Variants in ZC3H12B observed in about 807,000 individuals in gnomAD.
ZC3H12B encodes the protein zinc finger CCCH-type containing 12B.
Under a neutral mutation model 43.9 loss-of-function variants are expected in ZC3H12B, and 7 were observed. The observed-to-expected ratio is 0.16, with a 90% CI of 0.09 to 0.30. ZC3H12B has a LOEUF of 0.30. ZC3H12B is among the 10% of genes least tolerant of loss of function. The probability of loss-of-function intolerance (pLI) is 1.00; values close to 1 mark genes in which losing one functional copy is unlikely to be tolerated. For synonymous variants in ZC3H12B, 222 were observed against 241.7 expected (o/e 0.92, Z 0.76); for missense variants, 475 against 670.2 (o/e 0.71, Z 3.22).
chrX:65,381,874 G>A (rs1388761798), intron 2 of ZC3H12B, among the ~76,000 whole-genome samples: 4 of 111,430 alleles, frequency 3.6e-5, no homozygotes, highest in Non-Finnish European at 7.5e-5. Flanking sequence ...TAAATTCCTC[G>A]ACACATACAC....
chrX:65,328,253 G>A, the ZC3H12B span: 286 of 252,301 alleles, frequency 1.1e-3, 2 homozygotes, highest in African/African-American at 7.6e-3. Flanking sequence ...TCTCAAATTT[G>A]TAGGGTAGGT....
At chrX:65,101,986 T>G in the ZC3H12B span, among the ~76,000 whole-genome samples, 1 of 112,090 alleles carries the variant, frequency 8.9e-6, no homozygotes, top group Non-Finnish European at 1.9e-5. Flanking sequence ...ATATCTTCAA[T>G]AAAATACTGG....
At chrX:65,365,043 C>G (rs982648357), upstream of ZC3H12B, among the ~76,000 whole-genome samples, 2 of 111,591 alleles carry the variant, frequency 1.8e-5, no homozygotes, top group Non-Finnish European at 3.8e-5. Flanking sequence ...CTTCCTACCT[C>G]TATACAGTCC....
At chrX:65,292,705 C>T in the ZC3H12B span, among the ~76,000 whole-genome samples, 1 of 110,543 alleles carries the variant, frequency 9.0e-6, no homozygotes, top group South Asian at 3.8e-4. Flanking sequence ...TGGAAAGAGG[C>T]CAGGCATGGT....
At chrX:65,149,782 TAATAATAATA>T in the ZC3H12B span, among the ~76,000 whole-genome samples, 2 of 97,073 alleles carry the variant, frequency 2.1e-5, no homozygotes, top group East Asian at 6.0e-4. Context: ...ATAATAATAA[TAATAATAATA>T]ATAATAATAA....
intron 3 of ZC3H12B, among the ~76,000 whole-genome samples, chrX:65,453,423 C>T (rs1236962191): frequency 1.3e-5 from 1 of 77,054 alleles, no homozygotes; most frequent in Non-Finnish European, 2.4e-5. Context: ...TAGTAATCAG[C>T]CATGCAAAGG....
At chrX:65,377,306 G>A (rs186338630) in intron 2 of ZC3H12B, among the ~76,000 whole-genome samples, 112 of 110,011 alleles carry the variant, frequency 1.0e-3, no homozygotes, top group African/African-American at 3.7e-3. Flanking sequence ...AGAGTTATTG[G>A]CCTTAAAGAG....
the ZC3H12B span, among the ~76,000 whole-genome samples, chrX:65,159,943 AC>A: frequency 8.9e-6 from 1 of 111,759 alleles, no homozygotes; most frequent in Non-Finnish European, 1.9e-5. Flanking sequence ...TCCCATCAAT[AC>A]CTAATTTATT....
At chrX:65,244,173 C>A in the ZC3H12B span, among the ~76,000 whole-genome samples, 2 of 111,077 alleles carry the variant, frequency 1.8e-5, 1 homozygote, top group Non-Finnish European at 3.8e-5. Flanking sequence ...TGATAGCTAT[C>A]CCAGTTACCC....
chrX:65,230,215 A>G, the ZC3H12B span, among the ~76,000 whole-genome samples: 1 of 111,592 alleles, frequency 9.0e-6, no homozygotes, highest in East Asian at 2.8e-4. Context: ...ATAAAAAATG[A>G]TGAGTTCATG....
the ZC3H12B span, among the ~76,000 whole-genome samples, chrX:65,194,509 T>C: frequency 2.7e-5 from 3 of 112,081 alleles, no homozygotes; most frequent in Non-Finnish European, 5.6e-5. Flanking sequence ...AATTGATTTC[T>C]AGTTTTATTC....
At chrX:65,176,169 C>T in the ZC3H12B span, among the ~76,000 whole-genome samples, 1 of 112,036 alleles carries the variant, frequency 8.9e-6, no homozygotes, top group East Asian at 2.8e-4. Context: ...GGACAGCAGT[C>T]TGAAGTCAAC....
the ZC3H12B span, among the ~76,000 whole-genome samples, chrX:65,301,456 A>T: frequency 9.0e-6 from 1 of 111,652 alleles, no homozygotes; most frequent in East Asian, 2.8e-4. Context: ...CAACAAATGG[A>T]TAAAGAAAAT....
chrX:65,334,034 C>CA, the ZC3H12B span, among the ~76,000 whole-genome samples: 2 of 111,391 alleles, frequency 1.8e-5, no homozygotes, highest in Admixed American at 1.9e-4. Flanking sequence ...ATTTTTATAC[C>CA]AAAAAAGGCA....
the ZC3H12B span, among the ~76,000 whole-genome samples, chrX:65,052,405 A>G: frequency 9.0e-6 from 1 of 111,169 alleles, no homozygotes; most frequent in African/African-American, 3.3e-5. Flanking sequence ...ATCAAATAGT[A>G]GGTCTTCTTC....
At chrX:65,336,715 G>A in the ZC3H12B span, among the ~76,000 whole-genome samples, 1 of 111,943 alleles carries the variant, frequency 8.9e-6, no homozygotes, top group Non-Finnish European at 1.9e-5. Flanking sequence ...GCTCAGGGAG[G>A]CCAGAGAAAG....
the ZC3H12B span, among the ~76,000 whole-genome samples, chrX:65,336,781 G>T: frequency 8.9e-6 from 1 of 112,314 alleles, no homozygotes; most frequent in Non-Finnish European, 1.9e-5. Flanking sequence ...GTAGCAAAGA[G>T]ACCTCTTCCA....
At chrX:65,265,149 G>A in the ZC3H12B span, among the ~76,000 whole-genome samples, 3 of 111,926 alleles carry the variant, frequency 2.7e-5, no homozygotes, top group African/African-American at 9.7e-5. Flanking sequence ...TTTATCTTCT[G>A]ACGTAAGTAA....
At chrX:65,112,077 C>T in the ZC3H12B span, among the ~76,000 whole-genome samples, 1 of 112,359 alleles carries the variant, frequency 8.9e-6, no homozygotes, top group African/African-American at 3.2e-5. Flanking sequence ...AAAAGTGCTA[C>T]TCCAGTAAAC....
Sources: gnomAD v4.1 joint callset for allele counts (sites outside exome capture counted in the v4.1 genomes callset) on GRCh38, gnomAD v4.1.1 for gene constraint, MANE v1.5 for transcripts, NCBI Gene and HGNC (gene_info 2026-07-23, HGNC 2026-07-21) for gene names.